The following MYO10 variants were observed in gnomAD, a reference collection of about 807,000 sequenced individuals.
MYO10 encodes unconventional myosin-X.
MYO10 carries 133 observed loss-of-function variants against 257.3 expected under a neutral mutation model. The observed-to-expected ratio is 0.52, with a 90% CI of 0.45 to 0.60. The LOEUF (loss-of-function observed/expected upper bound fraction) is 0.60, where lower values mean the gene tolerates loss of function less well. Among genes scored for constraint, MYO10 ranks in the 20% least tolerant of loss-of-function variants. The pLI is 0.00. For missense variants in MYO10, 2,399 were observed against 2,635.7 expected, an observed-to-expected ratio of 0.91 and a Z score of 1.97; for synonymous variants, 1,104 against 1,028.6, an observed-to-expected ratio of 1.07 and a Z score of -1.40.
intron 33 of MYO10, 29 bp downstream of exon 33, chr5:16,679,918 C>T: frequency 6.2e-7 from 1 of 1,606,442 alleles, no homozygotes; most frequent in East Asian, 2.2e-5. Context: ...GCTGTAATCA[C>T]CCACCTTGAT....
At chr5:16,767,594 T>C (rs547612489) in intron 10 of MYO10, among the ~76,000 whole-genome samples, 5 of 152,320 alleles carry the variant, frequency 3.3e-5, no homozygotes, top group African/African-American at 1.2e-4. Flanking sequence ...GAACATTTAT[T>C]TTAGTATGCA....
chr5:16,678,399 G>A (rs1561173635), intron 33 of MYO10, among the ~76,000 whole-genome samples: 1 of 152,002 alleles, frequency 6.6e-6, no homozygotes, highest in Non-Finnish European at 1.5e-5. Flanking sequence ...GGCCAACATG[G>A]TGAAACCCCA....
intron 2 of MYO10, among the ~76,000 whole-genome samples, chr5:16,859,379 G>A (rs1050273386): frequency 2.0e-5 from 3 of 151,980 alleles, no homozygotes; most frequent in Admixed American, 2.0e-4. Flanking sequence ...ATTCATGAGG[G>A]GCCCACCCTC....
At chr5:16,833,015 C>T (rs1425051695) in intron 2 of MYO10, among the ~76,000 whole-genome samples, 1 of 152,136 alleles carries the variant, frequency 6.6e-6, no homozygotes, top group Non-Finnish European at 1.5e-5. Context: ...CTCCCCTCTA[C>T]TCCACCTCCT....
chr5:16,915,625 T>C (rs913761206), intron 1 of MYO10, among the ~76,000 whole-genome samples: 2 of 152,130 alleles, frequency 1.3e-5, no homozygotes, highest in African/African-American at 4.8e-5. Flanking sequence ...CCATCAACAG[T>C]GGTCTTCAAC....
At chr5:16,702,869 A>G in intron 23 of MYO10, 56 bp downstream of exon 23, 1 of 1,460,322 alleles carries the variant, frequency 6.8e-7, no homozygotes, top group South Asian at 1.3e-5. Flanking sequence ...ACAGATACCG[A>G]GCACAGCACT....
intron 1 of MYO10, among the ~76,000 whole-genome samples, chr5:16,924,977 C>G (rs927931147): frequency 6.6e-6 from 1 of 151,818 alleles, no homozygotes; most frequent in Non-Finnish European, 1.5e-5. Flanking sequence ...ACTACAGGTG[C>G]CCACCACCAC....
At chr5:16,682,110 G>A in intron 30 of MYO10, 97 bp from the exon 31 acceptor site, 1 of 1,429,448 alleles carries the variant, frequency 7.0e-7, no homozygotes, top group Non-Finnish European at 9.5e-7. Flanking sequence ...CCTGGCTTCT[G>A]GGTCACGGGA....
At chr5:16,770,856 C>T (rs765331574) in intron 9 of MYO10, among the ~76,000 whole-genome samples, 1 of 152,214 alleles carries the variant, frequency 6.6e-6, no homozygotes, top group Non-Finnish European at 1.5e-5. Flanking sequence ...GCACCCCGTG[C>T]CTCCCAGGTT....
At chr5:16,742,311 G>A (rs1740045220) in intron 19 of MYO10, 1 of 915,622 alleles carries the variant, frequency 1.1e-6, no homozygotes. Context: ...TGGTAAACAG[G>A]ATGGAAGTGA....
chr5:16,676,289 ACG>A, intron 33 of MYO10, 135 bp from the exon 34 acceptor site: 1 of 988,266 alleles, frequency 1.0e-6, no homozygotes. Context: ...GGTTTCATGG[ACG>A]AAGATACCCA....
At chr5:16,689,976 G>A in intron 27 of MYO10, 57 bp from the exon 28 acceptor site, 1 of 1,288,282 alleles carries the variant, frequency 7.8e-7, no homozygotes, top group Non-Finnish European at 1.1e-6. Flanking sequence ...CTGAATAACT[G>A]AGGAAAGCAA....
intron 30 of MYO10, among the ~76,000 whole-genome samples, chr5:16,683,164 A>G (rs1579816771): frequency 6.6e-6 from 1 of 152,276 alleles, no homozygotes; most frequent in South Asian, 2.1e-4. Context: ...GAGGCACTAT[A>G]TTTTGTTGTC....
Position 16,670,639 on chromosome 5 carries a change from T to C in MYO10, c.5770A>G (p.Ile1924Val), listed in dbSNP as rs1736404336. The change falls in exon 39 of 41, where the codon ATC becomes GTC. Residue 1924 changes from isoleucine (I) to valine (V), a missense_variant. By Grantham distance (29) the Ile-to-Val change is conservative. Coordinates refer to ENST00000513610, the MANE Select transcript of MYO10 (RefSeq NM_012334.3). Reference sequence around the variant, plus strand: ...TGAAATTTCCTCCACTTGTCAATGATACTGGCTCGAGCAGAGGAGACTTCT... The same window carrying C: ...TGAAATTTCCTCCACTTGTCAATGACACTGGCTCGAGCAGAGGAGACTTCT... ...KEEVSSARASIIDKWRKFQGM... is the reference protein window; with the variant it reads ...KEEVSSARASVIDKWRKFQGM... The C allele has an allele frequency of 1.2e-6, 2 of 1,614,038 alleles. No individual in the cohort carries two copies. The highest frequency in any genetic ancestry group is 2.2e-5 in the East Asian group (1 of 44,884).
intron 21 of MYO10, among the ~76,000 whole-genome samples, chr5:16,706,396 G>A (rs531145217): frequency 3.9e-5 from 6 of 152,214 alleles, no homozygotes; most frequent in African/African-American, 1.2e-4. Flanking sequence ...CAGAAATACA[G>A]AATTCCCTGT....
chr5:16,700,532 A>T (rs537113339), intron 25 of MYO10, among the ~76,000 whole-genome samples: 5 of 151,950 alleles, frequency 3.3e-5, no homozygotes, highest in African/African-American at 1.2e-4. Context: ...CAAAAATTAG[A>T]CCGGTGTGCT....
At chr5:16,879,675 C>A (rs1358667189) in intron 1 of MYO10, among the ~76,000 whole-genome samples, 1 of 152,158 alleles carries the variant, frequency 6.6e-6, no homozygotes, top group African/African-American at 2.4e-5. Context: ...CCACTTGTCT[C>A]CTGAAAATAA....
chr5:16,675,220 A>C lies in MYO10; in HGVS notation c.4667-70T>G, dbSNP rs888456737. 10 of 1,513,028 alleles carry C rather than the reference A, an allele frequency of 6.6e-6. No homozygotes were observed. The African/African-American group carries it at 1.2e-4, about 19-fold the overall frequency. The allele number at this position is 1,513,028 out of a possible 1,614,324, so 93.7% of individuals were successfully genotyped here. ...AATAGGGCATGAGCATAATCGGAGC[A>C]GTAGTCAAGACAAAGGAATAAATGA... On this transcript the variant is annotated intron_variant, in intron 34 of 40. Coordinates refer to ENST00000513610, the MANE Select transcript of MYO10 (RefSeq NM_012334.3).
intron 2 of MYO10, among the ~76,000 whole-genome samples, chr5:16,828,800 G>A (rs774530400): frequency 6.6e-6 from 1 of 151,976 alleles, no homozygotes; most frequent in Non-Finnish European, 1.5e-5. Flanking sequence ...ACTACAGCCT[G>A]GAACTCCCGG....
Sources: allele counts gnomAD v4.1 joint callset (sites outside exome capture counted in the v4.1 genomes callset), GRCh38; gene constraint gnomAD v4.1.1; transcripts MANE v1.5; gene names NCBI Gene and HGNC (gene_info 2026-07-23, HGNC 2026-07-21).